Variants in TMEM94 observed in about 807,000 individuals in gnomAD.
TMEM94 encodes the protein ER Mg2+ ATPase.
TMEM94 carries 81 observed loss-of-function variants against 158.6 expected under a neutral mutation model. The ratio of observed to expected loss-of-function variants is 0.51; its 90% CI spans 0.43 to 0.61. The LOEUF is 0.61. TMEM94 is among the 20% of genes least tolerant of loss of function. The pLI, the probability that TMEM94 is intolerant of heterozygous loss-of-function variation, is 0.00. For synonymous variants in TMEM94, 751 were observed against 730.7 expected (o/e 1.03, Z -0.45); for missense variants, 1,435 against 1,762.0 (o/e 0.81, Z 3.32).
Position 75,492,643 on chromosome 17 carries a change from T to C in TMEM94, c.1766T>C (p.Val589Ala). Residue 589 changes from valine to alanine, a missense_variant, in exon 15 of 32, where the codon GTG becomes GCG. Physicochemically the swap from Val to Ala is moderately conservative, Grantham distance 64. This residue lies in a region of TMEM94 where 1,051 missense variants were observed against 1,254.4 expected (regional missense o/e 0.84). Transcript: ENST00000314256. This position sits in a 1 kb window ranked among gnomAD's most constrained non-coding sequence, Gnocchi z 4.4. Reference protein sequence around the residue: ...LTSLKPLGLNVLLNLCDASVT... With the variant: ...LTSLKPLGLNALLNLCDASVT... ...TCCCTCAAACCCCTGGGCCTCAATG[T>C]GCTGCTGAACCTGTGTGATGCCAGC... 2 of 1,614,052 alleles carry C rather than the reference T, an allele frequency of 1.2e-6. No individual in the cohort carries two copies. The highest frequency in any genetic ancestry group is 1.7e-6 in the Non-Finnish European group (2 of 1,180,032).
At chr17:75,468,809 C>CT (rs1213744681) in intron 1 of TMEM94, among the ~76,000 whole-genome samples, 1 of 152,110 alleles carries the variant, frequency 6.6e-6, no homozygotes, top group African/African-American at 2.4e-5. Context: ...TTCTTGACAG[C>CT]TTTTTTCTGG....
chr17:75,483,967 G>A (rs1438679295), intron 2 of TMEM94, among the ~76,000 whole-genome samples: 2 of 152,218 alleles, frequency 1.3e-5, no homozygotes, highest in East Asian at 3.9e-4. Context: ...GGCCTATGGG[G>A]TAGACGGATG....
intron 1 of TMEM94, among the ~76,000 whole-genome samples, chr17:75,462,993 C>A (rs1598301463): frequency 1.2e-5 from 1 of 85,042 alleles, no homozygotes; most frequent in African/African-American, 5.4e-5. Flanking sequence ...GACATGTCTC[C>A]AAAAATAAAA....
At chr17:75,468,581 T>C (rs2050388145) in intron 1 of TMEM94, among the ~76,000 whole-genome samples, 1 of 152,178 alleles carries the variant, frequency 6.6e-6, no homozygotes, top group African/African-American at 2.4e-5. Flanking sequence ...AAAGACTGAA[T>C]GTCACTGCAT....
rs2053152574 is a variant in TMEM94, at chr17:75,500,337, G to A, written c.*1003G>A. On this transcript the variant is annotated 3_prime_UTR_variant, in exon 32 of 32. Transcript: ENST00000314256. The stretch of plus-strand genomic sequence containing the variant: ...TTACAGAGCCAGGGCCTGGGCCAAT[G>A]GGGTCAGGCTCTCCCTGCCCTCAGG... 6.6e-6 allele frequency: 1 copy of A among 152,248 alleles called. No individual in the cohort carries two copies. Among genetic ancestry groups the A allele is most frequent in the Admixed American group, 6.5e-5 (1 of 15,290 alleles). 9.4% of individuals were successfully genotyped at this position (152,248 alleles called of 1,614,324 possible).
intron 2 of TMEM94, among the ~76,000 whole-genome samples, chr17:75,474,908 G>T (rs1399960629): frequency 6.6e-6 from 1 of 152,082 alleles, no homozygotes; most frequent in Non-Finnish European, 1.5e-5. Flanking sequence ...CCTGCTGCTT[G>T]GGTGCAGGGC....
At chr17:75,496,966 T>G in intron 25 of TMEM94, 147 bp from the exon 26 acceptor site, 1 of 995,726 alleles carries the variant, frequency 1.0e-6, no homozygotes, top group South Asian at 1.4e-5. Context: ...TGACCCTCAT[T>G]GGCAGAAGAG....
At position 75,498,359 on chromosome 17, in the gene TMEM94, C is replaced by G. The variant is rs557349344; in HGVS notation, c.3638+36C>G. The G allele has an allele frequency of 6.2e-7, 1 of 1,612,602 alleles. No individual in the cohort carries two copies. The highest frequency in any genetic ancestry group is 1.1e-5 in the South Asian group (1 of 91,072). ...GCCCCAGAGATCCACCCATCGCCTG[C>G]CTCGCCTCGAGGCTTCCTCCCTCCC... On this transcript the variant is annotated intron_variant, in intron 28 of 31. Coordinates refer to ENST00000314256, the MANE Select transcript of TMEM94 (RefSeq NM_014738.6). The surrounding 1 kb of genome is among the most constrained non-coding windows in gnomAD (Gnocchi z 6.7).
chr17:75,474,826 T>A (rs1187227605), intron 2 of TMEM94, among the ~76,000 whole-genome samples: 1 of 152,158 alleles, frequency 6.6e-6, no homozygotes, highest in Non-Finnish European at 1.5e-5. Flanking sequence ...CGGTCTCTCC[T>A]TCAAAGCCCT....
rs2053029196 is a variant in TMEM94 at position 75,498,918 on chromosome 17, G to A, written c.3834G>A (p.Leu1278=). 2 of 1,546,726 alleles carry A rather than the reference G, an allele frequency of 1.3e-6. No individual in the cohort carries two copies. Among genetic ancestry groups the A allele is most frequent in the Non-Finnish European group, 1.7e-6 (2 of 1,147,010 alleles). ...WWAVTVPVVL[L]GQVVQTAVDL... is the part of the protein sequence containing the mutation. ...GGGCCGCCACCTCCTGCAGGCTGCT[G>A]GGTCAGGTGGTCCAGACGGCTGTGG... Residue 1278 remains leucine (L), a synonymous_variant, in exon 31 of 32, where the codon CTG becomes CTA. Transcript: ENST00000314256. The surrounding 1 kb of genome is among the most constrained non-coding windows in gnomAD (Gnocchi z 6.7).
chr17:75,474,074 C>T (rs141766389), intron 2 of TMEM94, among the ~76,000 whole-genome samples: 4 of 152,136 alleles, frequency 2.6e-5, no homozygotes, highest in Non-Finnish European at 5.9e-5. Context: ...GATTGCACTA[C>T]TGCACTTCAG....
At chr17:75,479,965 T>G (rs1284709850) in intron 2 of TMEM94, among the ~76,000 whole-genome samples, 2 of 151,300 alleles carry the variant, frequency 1.3e-5, no homozygotes, top group East Asian at 3.9e-4. Context: ...TACACATCTG[T>G]GGTCTCAGCT....
intron 2 of TMEM94, among the ~76,000 whole-genome samples, chr17:75,477,528 CA>C (rs1195282759): frequency 6.6e-6 from 1 of 152,088 alleles, no homozygotes; most frequent in African/African-American, 2.4e-5. Flanking sequence ...GGGTTACAGG[CA>C]TGAGCCACCA....
chr17:75,467,678 G>A lies in TMEM94; in HGVS notation c.-106-4122G>A, dbSNP rs916396957. Among the ~76,000 whole-genome samples, 6 of 151,094 alleles carry A rather than the reference G, an allele frequency of 4.0e-5. No homozygotes were observed. In the East Asian group the frequency reaches 5.8e-4, roughly 15 times the overall value. On this transcript the variant is annotated intron_variant, in intron 1 of 31. Coordinates refer to ENST00000314256, the MANE Select transcript of TMEM94 (RefSeq NM_014738.6). Reference sequence around the variant, plus strand: ...CTCCCGAGTAGCTGGGACTACAGGCGCCCGCCACCGCGCCCGGCTAATTTT... The same window carrying A: ...CTCCCGAGTAGCTGGGACTACAGGCACCCGCCACCGCGCCCGGCTAATTTT...
intron 2 of TMEM94, among the ~76,000 whole-genome samples, chr17:75,479,708 A>G (rs1389768310): frequency 6.6e-6 from 1 of 151,862 alleles, no homozygotes; most frequent in Admixed American, 6.6e-5. Flanking sequence ...ACATGAGCCC[A>G]GGAGCTCAAG....
rs1476016068 is a variant in TMEM94 at position 75,493,598 on chromosome 17, G to A, written c.2189+5G>A. ...CCCTCTCTCGGGATCTGACAGGTGGGTGAGGAAGCACATGCCAGCAGCAAG... is the reference window on the plus strand; with the variant it reads ...CCCTCTCTCGGGATCTGACAGGTGGATGAGGAAGCACATGCCAGCAGCAAG... On this transcript the variant is annotated splice_donor_5th_base_variant and intron_variant, in intron 17 of 31. Transcript: ENST00000314256. 6.2e-7 allele frequency: 1 copy of A among 1,613,918 alleles called. No homozygotes were observed.
intron 1 of TMEM94, among the ~76,000 whole-genome samples, chr17:75,462,338 GC>G (rs2050107951): frequency 6.6e-6 from 1 of 151,976 alleles, no homozygotes; most frequent in African/African-American, 2.4e-5. Context: ...ACTGCGCCTG[GC>G]CTGAATGTCT....
At chr17:75,484,904 G>C (rs1598381135) in intron 2 of TMEM94, among the ~76,000 whole-genome samples, 1 of 151,984 alleles carries the variant, frequency 6.6e-6, no homozygotes, top group South Asian at 2.1e-4. Context: ...CCGACATGGT[G>C]GTGTGTGCCT....
At chr17:75,482,459 G>GC (rs1173000929) in intron 2 of TMEM94, among the ~76,000 whole-genome samples, 2 of 152,086 alleles carry the variant, frequency 1.3e-5, no homozygotes, top group Admixed American at 6.6e-5. Context: ...AGCGAACCAT[G>GC]CCCACGCCAC....
Sources: gnomAD v4.1 joint callset for allele counts (sites outside exome capture counted in the v4.1 genomes callset) on GRCh38, gnomAD v4.1.1 for gene constraint, gnomAD v4.1.1 regional missense constraint, Gnocchi (gnomAD v3.1) non-coding constraint, MANE v1.5 for transcripts, NCBI Gene and HGNC (gene_info 2026-07-23, HGNC 2026-07-21) for gene names.